Variants in PLCH1 observed in about 807,000 individuals in gnomAD.
The protein encoded by PLCH1 is 1-phosphatidylinositol 4,5-bisphosphate phosphodiesterase eta-1.
In PLCH1, 60 loss-of-function variants were observed where a neutral mutation model predicts 126.7. The ratio of observed to expected loss-of-function variants is 0.47; its 90% CI spans 0.38 to 0.59. The LOEUF (loss-of-function observed/expected upper bound fraction) is 0.59, where lower values mean the gene tolerates loss of function less well. Among genes scored for constraint, PLCH1 ranks in the 20% least tolerant of loss-of-function variants. The probability of loss-of-function intolerance (pLI) is 0.00; values close to 1 mark genes in which losing one functional copy is unlikely to be tolerated. For missense variants in PLCH1, 1,723 were observed against 2,040.0 expected, an observed-to-expected ratio of 0.84 and a Z score of 2.99; for synonymous variants, 719 against 734.9, an observed-to-expected ratio of 0.98 and a Z score of 0.35.
intron 1 of PLCH1, among the ~76,000 whole-genome samples, chr3:155,704,477 C>T (rs939238026): frequency 6.6e-6 from 1 of 152,142 alleles, no homozygotes; most frequent in African/African-American, 2.4e-5. Flanking sequence ...AAAACAGTAA[C>T]TTTTTCAAAC....
chr3:155,562,422 C>T lies in PLCH1; in HGVS notation c.1069+2493G>A, dbSNP rs532752689. 2.6e-5 allele frequency among the ~76,000 whole-genome samples: 4 copies of T among 152,262 alleles called. No homozygotes were observed. In the South Asian group the frequency reaches 6.2e-4, roughly 24 times the overall value. On this transcript the variant is annotated intron_variant, in intron 8 of 22. Coordinates refer to ENST00000460012, the MANE Select transcript of PLCH1 (RefSeq NM_014996.4). ...ATCCACTTCGCTTCCTTTCCTAGAA[C>T]CATGGAGCCCCTGTCAGTTACTTAT...
At chr3:155,476,089 A>G (rs1479941232), downstream of PLCH1, among the ~76,000 whole-genome samples, 1 of 152,190 alleles carries the variant, frequency 6.6e-6, no homozygotes, top group Non-Finnish European at 1.5e-5. Context: ...CAATTCAGCA[A>G]TACATTAGAA....
At chr3:155,537,081 A>G (rs567538481) in intron 10 of PLCH1, among the ~76,000 whole-genome samples, 36 of 152,172 alleles carry the variant, frequency 2.4e-4, no homozygotes, top group African/African-American at 8.4e-4. Context: ...TAGGCTTGAT[A>G]AATAAGGGAA....
At chr3:155,522,156 A>G (rs141788802) in intron 11 of PLCH1, among the ~76,000 whole-genome samples, 39 of 152,384 alleles carry the variant, frequency 2.6e-4, no homozygotes, top group African/African-American at 8.7e-4. Context: ...TATGGCTGGC[A>G]ACCAAGAGAT....
chr3:155,497,214 CA>C, intron 15 of PLCH1, 105 bp downstream of exon 15: 2 of 790,790 alleles, frequency 2.5e-6, no homozygotes, highest in Non-Finnish European at 4.2e-6. Context: ...TACATAGTCC[CA>C]AAAATGTGTG....
intron 1 of PLCH1, chr3:155,742,055 C>T (rs545271796): frequency 7.2e-5 from 11 of 152,276 alleles, no homozygotes; most frequent in South Asian, 2.1e-4. Context: ...CCAAATCAAT[C>T]GTTCTCCTTA....
intron 4 of PLCH1, among the ~76,000 whole-genome samples, chr3:155,589,142 G>A (rs991409786): frequency 2.0e-5 from 3 of 152,180 alleles, no homozygotes; most frequent in Non-Finnish European, 4.4e-5. Context: ...TCAAGAGACT[G>A]TAGGAGCATG....
intron 13 of PLCH1, among the ~76,000 whole-genome samples, chr3:155,502,609 TAAG>T (rs1190360163): frequency 2.0e-5 from 3 of 152,162 alleles, no homozygotes; most frequent in Non-Finnish European, 4.4e-5. Context: ...AAATTAGAAA[TAAG>T]AAATGAATCA....
At chr3:155,510,230 A>G (rs1168693966) in intron 12 of PLCH1, among the ~76,000 whole-genome samples, 4 of 107,804 alleles carry the variant, frequency 3.7e-5, no homozygotes, top group Non-Finnish European at 5.4e-5. Context: ...CCATCCTTTT[A>G]TTTTGAGCCT....
chr3:155,534,515 G>A (rs1282596438), intron 10 of PLCH1, among the ~76,000 whole-genome samples: 1 of 152,204 alleles, frequency 6.6e-6, no homozygotes, highest in Non-Finnish European at 1.5e-5. Flanking sequence ...CGTCTCAGAT[G>A]AGACTTTGGA....
At chr3:155,451,280 A>G (rs891023621) in intron 21 of PLCH1, among the ~76,000 whole-genome samples, 2 of 151,110 alleles carry the variant, frequency 1.3e-5, no homozygotes, top group Non-Finnish European at 2.9e-5. Context: ...GAAAAACAGG[A>G]TATTTACATG....
Position 155,651,408 on chromosome 3 carries a change from C to A in PLCH1, c.79+52738G>T, listed in dbSNP as rs143438292. Among the ~76,000 whole-genome samples the A allele has an allele frequency of 6.1e-3, 928 of 152,176 alleles. 12 individuals carry two copies. Among genetic ancestry groups the A allele is most frequent in the African/African-American group, 0.021 (868 of 41,498 alleles). ...AGATATAAGTTAGGAAAGAAATACACCAAACTGTCAAACTGTCAATTGTAA... is the reference window on the plus strand; with the variant it reads ...AGATATAAGTTAGGAAAGAAATACAACAAACTGTCAAACTGTCAATTGTAA... On this transcript the variant is annotated intron_variant, in intron 2 of 22. Coordinates refer to ENST00000460012, the MANE Select transcript of PLCH1 (RefSeq NM_014996.4).
In PLCH1 at chr3:155,485,514, G is replaced by A; in HGVS notation, c.2816C>T (p.Ser939Phe). ...QEMVEIKDSV[S>F]EATRDQDGVL... ...GCCATCTTGATCTCTTGTGGCCTCG[G>A]ACACAGAATCCTTTATCTCCACCAT... The change falls in exon 22 of 23, where the codon TCC becomes TTC. Residue 939 changes from serine (S) to phenylalanine (F), a missense_variant. This residue lies in a region of PLCH1 where 947 missense variants were observed against 977.1 expected (regional missense o/e 0.97). Coordinates refer to ENST00000460012, the MANE Select transcript of PLCH1 (RefSeq NM_014996.4). 6.2e-7 allele frequency: 1 copy of A among 1,614,178 alleles called. No individual in the cohort carries two copies. The highest frequency in any genetic ancestry group is 8.5e-7 in the Non-Finnish European group (1 of 1,180,036).
chr3:155,550,809 T>C (rs542393662), intron 9 of PLCH1, among the ~76,000 whole-genome samples: 1 of 152,168 alleles, frequency 6.6e-6, no homozygotes, highest in Non-Finnish European at 1.5e-5. Flanking sequence ...CATATACCAA[T>C]ATTTAAATCA....
chr3:155,672,014 C>G (rs2108986486), intron 2 of PLCH1, among the ~76,000 whole-genome samples: 1 of 152,244 alleles, frequency 6.6e-6, no homozygotes, highest in African/African-American at 2.4e-5. Flanking sequence ...AAACTCTATT[C>G]ACAATACCGA....
chr3:155,664,385 T>G (rs983263755), intron 2 of PLCH1, among the ~76,000 whole-genome samples: 3 of 152,196 alleles, frequency 2.0e-5, no homozygotes, highest in Non-Finnish European at 4.4e-5. Flanking sequence ...GGTTCTATAA[T>G]AAACAATAAA....
In PLCH1 at chr3:155,481,127, G is replaced by A. The variant is rs1010704021; in HGVS notation, c.4899C>T (p.Asn1633=). The change falls in exon 23 of 23, where the codon AAC becomes AAT. Residue 1633 remains asparagine (N), a synonymous_variant. Transcript: ENST00000460012. This position sits in a 1 kb window ranked among gnomAD's most constrained non-coding sequence, Gnocchi z 4.2. ...GGCCTTCAAGGCCACCCCCTTTCGT[G>A]TTCTTCAGGTAGCCTGCGATGTAGG... ...TGSYIAGYLK[N]TKGGGLEGRG... is the part of the protein sequence containing the mutation. 2 of 1,614,096 alleles carry A rather than the reference G, an allele frequency of 1.2e-6. No individual in the cohort carries two copies. The highest frequency in any genetic ancestry group is 2.7e-5 in the African/African-American group (2 of 74,954).
At chr3:155,653,025 C>A (rs1488449991) in intron 2 of PLCH1, among the ~76,000 whole-genome samples, 2 of 152,176 alleles carry the variant, frequency 1.3e-5, no homozygotes, top group African/African-American at 2.4e-5. Context: ...TTCCAGATTT[C>A]CACTAGTCTA....
chr3:155,623,425 T>C (rs929174603), intron 2 of PLCH1, among the ~76,000 whole-genome samples: 6 of 150,692 alleles, frequency 4.0e-5, no homozygotes, highest in South Asian at 2.1e-4. Context: ...CTGAAGGAGA[T>C]AGAGACATGA....
Sources: allele counts gnomAD v4.1 joint callset (sites outside exome capture counted in the v4.1 genomes callset), GRCh38; gene constraint gnomAD v4.1.1; regional missense constraint gnomAD v4.1.1; non-coding constraint Gnocchi (gnomAD v3.1); transcripts MANE v1.5; gene names NCBI Gene and HGNC (gene_info 2026-07-23, HGNC 2026-07-21).